The following PDE6B variants were observed in gnomAD, a reference collection of about 807,000 sequenced individuals.
PDE6B encodes rod cGMP-specific 3',5'-cyclic phosphodiesterase subunit beta.
PDE6B carries 106 observed loss-of-function variants against 109.0 expected under a neutral mutation model. That is an observed-to-expected ratio of 0.97 (90% confidence interval 0.83 to 1.14). The LOEUF (loss-of-function observed/expected upper bound fraction) is 1.14. PDE6B is among the 50% of genes most tolerant of loss of function. PDE6B has a pLI of 0.00. For synonymous variants in PDE6B, 490 were observed against 471.3 expected (o/e 1.04, Z -0.51); for missense variants, 1,193 against 1,155.6 (o/e 1.03, Z -0.47).
At chr4:639,364 G>A (rs970579408) in intron 3 of PDE6B, among the ~76,000 whole-genome samples, 1 of 152,002 alleles carries the variant, frequency 6.6e-6, no homozygotes, top group African/African-American at 2.4e-5. Context: ...ATGGCAGAAG[G>A]GCAGTTCTGT....
At chr4:655,656 AAG>A (rs1226565502) in intron 6 of PDE6B, 4 of 539,072 alleles carry the variant, frequency 7.4e-6, no homozygotes, top group Non-Finnish European at 1.3e-5. Context: ...GCACTCAGAG[AAG>A]AGAGTAAATG....
At position 666,915 on chromosome 4, in the gene PDE6B, A is replaced by G. The variant is rs572664078; in HGVS notation, c.2352+301A>G. ...AGGCCTACCCCAGAAGTTCTCCCTC[A>G]GTGCCCTCCGCCGTGGCCAGCACAC... On this transcript the variant is annotated intron_variant, in intron 20 of 21. Transcript: ENST00000496514. The surrounding 1 kb of genome is among the most constrained non-coding windows in gnomAD (Gnocchi z 5.6). 6.6e-6 allele frequency among the ~76,000 whole-genome samples: 1 copy of G among 152,178 alleles called. No individual in the cohort carries two copies.
In PDE6B at chr4:626,099, G is replaced by A. The variant is rs755336120; in HGVS notation, c.468+5G>A. 7 of 1,544,396 alleles carry A rather than the reference G, an allele frequency of 4.5e-6. No homozygotes were observed. Among genetic ancestry groups the A allele is most frequent in the African/African-American group, 1.4e-5 (1 of 73,514 alleles). On this transcript the variant is annotated splice_donor_5th_base_variant and intron_variant, in intron 1 of 21. Transcript: ENST00000496514. The surrounding 1 kb of genome is among the most constrained non-coding windows in gnomAD (Gnocchi z 4.6). ...AACGTCGAGGACGTGGCCGAGGTGG[G>A]TCTGTGCGGAGCCTCAGGGAGGCGG... is the stretch of plus-strand genomic sequence containing the variant.
At chr4:659,474 T>G (rs1205011736) in intron 11 of PDE6B, among the ~76,000 whole-genome samples, 1 of 148,444 alleles carries the variant, frequency 6.7e-6, no homozygotes, top group East Asian at 2.0e-4. Flanking sequence ...TGTGCACATG[T>G]GGGTGTCTGT....
At chr4:637,006 C>T (rs1045552291) in intron 3 of PDE6B, among the ~76,000 whole-genome samples, 1 of 152,218 alleles carries the variant, frequency 6.6e-6, no homozygotes, top group African/African-American at 2.4e-5. Context: ...AATTCTTTTG[C>T]GTGAGAGATT....
chr4:627,995 G>A (rs1483648953), intron 1 of PDE6B, among the ~76,000 whole-genome samples: 2 of 152,040 alleles, frequency 1.3e-5, no homozygotes, highest in African/African-American at 2.4e-5. Flanking sequence ...CAGTGCCATG[G>A]CCGCACCTGC....
chr4:643,831 A>G (rs1735061097), intron 3 of PDE6B, among the ~76,000 whole-genome samples: 1 of 151,072 alleles, frequency 6.6e-6, no homozygotes, highest in Non-Finnish European at 1.5e-5. Context: ...TGCATTCAAT[A>G]CTATAAATTT....
chr4:629,659 A>G (rs1190421023), intron 1 of PDE6B, among the ~76,000 whole-genome samples: 2 of 152,164 alleles, frequency 1.3e-5, no homozygotes, highest in African/African-American at 2.4e-5. Context: ...ACTCAGTCCT[A>G]TGGTGGTCTC....
intron 3 of PDE6B, among the ~76,000 whole-genome samples, chr4:640,075 G>A (rs2109145772): frequency 6.6e-6 from 1 of 152,330 alleles, no homozygotes; most frequent in South Asian, 2.1e-4. Flanking sequence ...GAAGGCTGAG[G>A]TGGGAGAATC....
At chr4:640,892 TTG>T (rs1429908850) in intron 3 of PDE6B, among the ~76,000 whole-genome samples, 1 of 152,240 alleles carries the variant, frequency 6.6e-6, no homozygotes, top group Non-Finnish European at 1.5e-5. Context: ...TGTTCCACTG[TTG>T]TATGTGTTTA....
At chr4:655,673 G>A (rs1038282675) in intron 6 of PDE6B, 2 of 574,228 alleles carry the variant, frequency 3.5e-6, no homozygotes, top group Admixed American at 2.9e-5. Context: ...TAAATGCTGA[G>A]GATGGCACAT....
intron 1 of PDE6B, among the ~76,000 whole-genome samples, chr4:629,077 G>A (rs1384418690): frequency 1.3e-5 from 2 of 152,118 alleles, no homozygotes; most frequent in Non-Finnish European, 2.9e-5. Context: ...CTCCCAACAT[G>A]TCAGAAGCCA....
At position 636,018 on chromosome 4, in the gene PDE6B, C is replaced by T. The variant is rs1228646123; in HGVS notation, c.711+49C>T. 2.0e-5 allele frequency: 21 copies of T among 1,051,798 alleles called. No individual in the cohort carries two copies. The African/African-American group carries it at 2.3e-4, about 12-fold the overall frequency. The allele number at this position is 1,051,798 out of a possible 1,614,324, so 65.2% of individuals were successfully genotyped here. ...CTGCCCACGAGGGCCAGGGTCCCTC[C>T]GCCCATCTCGCTGCCTGCACAGAGG... On this transcript the variant is annotated intron_variant, in intron 3 of 21. Transcript: ENST00000496514. The surrounding 1 kb of genome is among the most constrained non-coding windows in gnomAD (Gnocchi z 4.5).
Position 626,097 on chromosome 4 carries a change from G to C in PDE6B, c.468+3G>C. 1 of 1,543,128 alleles carries C rather than the reference G, an allele frequency of 6.5e-7. No homozygotes were observed. Among genetic ancestry groups the C allele is most frequent in the Non-Finnish European group, 8.8e-7 (1 of 1,133,058 alleles). On this transcript the variant is annotated splice_donor_region_variant and intron_variant, in intron 1 of 21. Coordinates refer to ENST00000496514, the MANE Select transcript of PDE6B (RefSeq NM_000283.4). The surrounding 1 kb of genome is among the most constrained non-coding windows in gnomAD (Gnocchi z 4.6). ...TGAACGTCGAGGACGTGGCCGAGGT[G>C]GGTCTGTGCGGAGCCTCAGGGAGGC...
intron 6 of PDE6B, 137 bp from the exon 7 acceptor site, chr4:655,803 C>T: frequency 1.4e-6 from 1 of 731,922 alleles, no homozygotes; most frequent in Non-Finnish European, 2.5e-6. Flanking sequence ...CAGACCAGCC[C>T]CTCTGACCCC....
intron 3 of PDE6B, among the ~76,000 whole-genome samples, chr4:645,506 A>G (rs1279884809): frequency 2.0e-5 from 3 of 151,670 alleles, no homozygotes; most frequent in Non-Finnish European, 4.4e-5. Flanking sequence ...CGTGTTAGCC[A>G]GGATGGTCTC....
In PDE6B at chr4:664,238, G is replaced by A. The variant is rs758230394; in HGVS notation, c.2129+17G>A. 2.2e-6 allele frequency: 3 copies of A among 1,342,902 alleles called. No individual in the cohort carries two copies. The highest frequency in any genetic ancestry group is 2.3e-5 in the South Asian group (2 of 85,694). 83.2% of individuals were successfully genotyped at this position (1,342,902 alleles called of 1,614,324 possible). On this transcript the variant is annotated intron_variant, in intron 17 of 21. Coordinates refer to ENST00000496514, the MANE Select transcript of PDE6B (RefSeq NM_000283.4). The stretch of plus-strand genomic sequence containing the variant: ...GATCGTCATGTGAGCGCGGGCGGAG[G>A]GGGCACGAGGGGTCCTTCCCTCGCA...
chr4:654,852 A>G lies in PDE6B; in HGVS notation c.956A>G (p.Tyr319Cys), dbSNP rs781718211. 1.3e-6 allele frequency: 2 copies of G among 1,575,672 alleles called. No individual in the cohort carries two copies. The highest frequency in any genetic ancestry group is 1.7e-6 in the Non-Finnish European group (2 of 1,145,202). The change falls in exon 6 of 22, where the codon TAC (tyrosine) becomes TGC (cysteine). Residue 319 changes from tyrosine to cysteine, a missense_variant. Tyr to Cys is a radical substitution (Grantham distance 194). Coordinates refer to ENST00000496514, the MANE Select transcript of PDE6B (RefSeq NM_000283.4). ...ATTGTCTTCTACAAAGTGATCGACTACGTCCTCCACGGCAAGGAGGAGATC... is the reference window on the plus strand; with the variant it reads ...ATTGTCTTCTACAAAGTGATCGACTGCGTCCTCCACGGCAAGGAGGAGATC... ...REIVFYKVID[Y>C]VLHGKEEIKV... is the part of the protein sequence containing the mutation.
At chr4:657,216 C>A in intron 9 of PDE6B, 135 bp from the exon 10 acceptor site, 1 of 1,186,622 alleles carries the variant, frequency 8.4e-7, no homozygotes, top group Non-Finnish European at 1.2e-6. Context: ...CCCGGGAGAC[C>A]CCACACAGAA....
Sources: gnomAD v4.1 joint callset for allele counts (sites outside exome capture counted in the v4.1 genomes callset) on GRCh38, gnomAD v4.1.1 for gene constraint, Gnocchi (gnomAD v3.1) non-coding constraint, MANE v1.5 for transcripts, NCBI Gene and HGNC (gene_info 2026-07-23, HGNC 2026-07-21) for gene names.